The following ABHD10 variants were observed in gnomAD, a reference collection of about 807,000 sequenced individuals.
ABHD10 encodes abhydrolase domain containing 10, depalmitoylase, also known as palmitoyl-protein thioesterase ABHD10, mitochondrial.
A neutral mutation model predicts 33.1 loss-of-function variants in ABHD10; 22 were observed. That is an observed-to-expected ratio of 0.66 (90% CI 0.47 to 0.95). The LOEUF (loss-of-function observed/expected upper bound fraction) is 0.95, where lower values mean the gene tolerates loss of function less well. Ranked by LOEUF, ABHD10 falls within the 40% of genes least tolerant of loss-of-function variation. The pLI, the probability that ABHD10 is intolerant of heterozygous loss-of-function variation, is 0.00. For synonymous variants in ABHD10, 146 were observed against 133.9 expected (o/e 1.09, Z -0.62); for missense variants, 352 against 379.9 (o/e 0.93, Z 0.61).
chr3:111,983,482 A>G (rs1413738237), intron 2 of ABHD10, among the ~76,000 whole-genome samples: 2 of 152,158 alleles, frequency 1.3e-5, no homozygotes, highest in African/African-American at 2.4e-5. Flanking sequence ...ATACCTTCAT[A>G]AAGAATAGTG....
intron 1 of ABHD10, among the ~76,000 whole-genome samples, chr3:111,980,427 A>AAAAC (rs2072567636): frequency 6.6e-6 from 1 of 152,202 alleles, no homozygotes; most frequent in African/African-American, 2.4e-5. Context: ...AGCAGCACAC[A>AAAAC]TGGATTCTCT....
Position 111,986,315 on chromosome 3 carries a change from A to C in ABHD10, c.378A>C (p.Thr126=). 2 of 1,614,116 alleles carry C rather than the reference A, an allele frequency of 1.2e-6. No homozygotes were observed. The highest frequency in any genetic ancestry group is 2.2e-5 in the East Asian group (1 of 44,876). Residue 126 remains threonine (T), a synonymous_variant, in exon 3 of 5, where the codon ACA becomes ACC. Coordinates refer to ENST00000273359, the MANE Select transcript of ABHD10 (RefSeq NM_018394.4). ...GSSDGNSEES[T]LGKWRKDVLS... ...CAGATGGTAACTCAGAGGAAAGCAC[A>C]CTGGGGAAATGGAGAAAAGATGTTC...
chr3:111,989,137 C>T (rs955148650), intron 4 of ABHD10, among the ~76,000 whole-genome samples: 3 of 152,206 alleles, frequency 2.0e-5, no homozygotes, highest in South Asian at 2.1e-4. Context: ...ACAATGTCAA[C>T]GGAGCAGATG....
intron 4 of ABHD10, among the ~76,000 whole-genome samples, chr3:111,989,340 T>C (rs1391711914): frequency 6.6e-6 from 1 of 152,244 alleles, no homozygotes; most frequent in Admixed American, 6.5e-5. Flanking sequence ...TGATAAGTTT[T>C]GTTGATGTAG....
intron 4 of ABHD10, chr3:111,990,667 C>A: frequency 9.0e-7 from 1 of 1,115,900 alleles, no homozygotes; most frequent in Non-Finnish European, 1.2e-6. Flanking sequence ...CTTTGTCATC[C>A]AGAACAAAAA....
In ABHD10 at chr3:111,992,800, A is replaced by T. The variant is rs562262435; in HGVS notation, c.*1079A>T. The stretch of plus-strand genomic sequence containing the variant: ...GACTCATTAATGAGGAAACCAGCAG[A>T]TAGTAAACCTGGTTCAAAGTACAAT... On this transcript the variant is annotated 3_prime_UTR_variant, in exon 5 of 5. Coordinates refer to ENST00000273359, the MANE Select transcript of ABHD10 (RefSeq NM_018394.4). 4 of 152,234 alleles carry T rather than the reference A, an allele frequency of 2.6e-5. No homozygotes were observed. The South Asian group carries it at 6.2e-4, about 24-fold the overall frequency. The allele number at this position is 152,234 out of a possible 1,614,324, so 9.4% of individuals were successfully genotyped here. A position where few individuals can be genotyped will look rare whatever the true frequency, so the allele number is the denominator to read the frequency against.
chr3:111,981,866 T>A lies in ABHD10; in HGVS notation c.225T>A (p.Ser75Arg). ...CTTATAAGAAGCTAAAAGGCAAAAG[T>A]CCAGGAATTATCTTCATCCCTGGCT... ...NLAYKKLKGK[S>R]PGIIFIPGYL... Residue 75 changes from serine (S) to arginine (R), a missense_variant, in exon 2 of 5, where the codon AGT (serine) becomes AGA (arginine). Transcript: ENST00000273359. 1 of 1,608,190 alleles carries A rather than the reference T, an allele frequency of 6.2e-7. No homozygotes were observed. Among genetic ancestry groups the A allele is most frequent in the Non-Finnish European group, 8.5e-7 (1 of 1,175,734 alleles).
chr3:111,982,255 A>G (rs892084733), intron 2 of ABHD10: 4 of 237,950 alleles, frequency 1.7e-5, no homozygotes, highest in Non-Finnish European at 2.4e-5. Flanking sequence ...AAACAGATAT[A>G]CTAGTTGGCT....
rs2072750288 is a variant in ABHD10, at chr3:111,992,233, TA to T, written c.*514del. 1.7e-5 allele frequency: 2 copies of T among 119,082 alleles called. No individual in the cohort carries two copies. Among genetic ancestry groups the T allele is most frequent in the Admixed American group, 8.5e-5 (1 of 11,814 alleles). 7.4% of individuals were successfully genotyped at this position (119,082 alleles called of 1,614,324 possible). On this transcript the variant is annotated 3_prime_UTR_variant, in exon 5 of 5. Transcript: ENST00000273359. ...CTTTATATAATGTATAAAGTATATA[TA>T]ATATAATATATATGTTATATAAACT...
intron 2 of ABHD10, among the ~76,000 whole-genome samples, chr3:111,982,596 A>G (rs558698733): frequency 3.7e-4 from 57 of 152,306 alleles, no homozygotes; most frequent in Admixed American, 9.1e-4. Flanking sequence ...AAAGAAGATT[A>G]GCCTGGAATT....
In ABHD10 at chr3:111,987,009, T is replaced by C. The variant is rs1444911138; in HGVS notation, c.534T>C (p.Ala178=). The C allele has an allele frequency of 6.2e-7, 1 of 1,613,050 alleles. No individual in the cohort carries two copies. Among genetic ancestry groups the C allele is most frequent in the Admixed American group, 1.7e-5 (1 of 59,664 alleles). The change falls in exon 4 of 5, where the codon GCT becomes GCC. Residue 178 remains alanine, a synonymous_variant. Coordinates refer to ENST00000273359, the MANE Select transcript of ABHD10 (RefSeq NM_018394.4). The part of the protein sequence containing the change: ...KVVALIGVAT[A]ADTLVTKFNQ... ...TGGCTCTTATTGGTGTAGCTACAGC[T>C]GCAGATACCTTAGTGACAAAGTTTA...
intron 4 of ABHD10, among the ~76,000 whole-genome samples, chr3:111,987,434 T>C (rs969335512): frequency 1.3e-5 from 2 of 152,202 alleles, no homozygotes; most frequent in African/African-American, 4.8e-5. Context: ...GTGCCTGTTC[T>C]TATGACTATG....
In ABHD10 at chr3:111,991,950, G is replaced by T; in HGVS notation, c.*229G>T. 5.0e-6 allele frequency: 2 copies of T among 401,108 alleles called. No individual in the cohort carries two copies. Among genetic ancestry groups the T allele is most frequent in the South Asian group, 5.3e-5 (1 of 18,702 alleles). The allele number at this position is 401,108 out of a possible 1,614,324, so 24.8% of individuals were successfully genotyped here. ...CTGTCCTTGATTTTTTTTCATTAAA[G>T]TATTTCCTTTTTTTAATTCAAGAAA... On this transcript the variant is annotated 3_prime_UTR_variant, in exon 5 of 5. Transcript: ENST00000273359.
At chr3:111,989,138 G>A (rs987763400) in intron 4 of ABHD10, among the ~76,000 whole-genome samples, 3 of 152,134 alleles carry the variant, frequency 2.0e-5, no homozygotes, top group African/African-American at 7.2e-5. Context: ...CAATGTCAAC[G>A]GAGCAGATGT....
chr3:111,987,440 C>T (rs755591115), intron 4 of ABHD10, among the ~76,000 whole-genome samples: 1 of 152,010 alleles, frequency 6.6e-6, no homozygotes, highest in Non-Finnish European at 1.5e-5. Context: ...GTTCTTATGA[C>T]TATGTTAGAG....
chr3:111,990,686 T>C, intron 4 of ABHD10: 1 of 1,341,440 alleles, frequency 7.5e-7, no homozygotes, highest in Non-Finnish European at 9.9e-7. Flanking sequence ...AATCAAATTT[T>C]TTCTCTTTTA....
At chr3:111,988,631 C>T (rs2072703342) in intron 4 of ABHD10, among the ~76,000 whole-genome samples, 1 of 151,772 alleles carries the variant, frequency 6.6e-6, no homozygotes, top group Non-Finnish European at 1.5e-5. Context: ...TCTCTGTTGC[C>T]CAGGCTGGAG....
intron 4 of ABHD10, 133 bp from the exon 5 acceptor site, chr3:111,991,244 T>C: frequency 1.4e-6 from 1 of 694,406 alleles, no homozygotes; most frequent in Non-Finnish European, 2.4e-6. Flanking sequence ...TATTGATAAT[T>C]ATTATTGTTA....
intron 2 of ABHD10, 192 bp downstream of exon 2, chr3:111,982,159 C>T: frequency 2.4e-6 from 1 of 422,718 alleles, no homozygotes; most frequent in African/African-American, 2.0e-5. Context: ...GGCCTTTGTG[C>T]CACGCTGACA....
Sources: allele counts gnomAD v4.1 joint callset (sites outside exome capture counted in the v4.1 genomes callset), GRCh38; gene constraint gnomAD v4.1.1; transcripts MANE v1.5; gene names NCBI Gene and HGNC (gene_info 2026-07-23, HGNC 2026-07-21).